IL23R: variants seen among roughly 807,000 people sequenced by gnomAD.
The protein encoded by IL23R is interleukin 23 receptor.
Under a neutral mutation model 56.9 loss-of-function variants are expected in IL23R, and 34 were observed. The ratio of observed to expected loss-of-function variants is 0.60; its 90% CI spans 0.45 to 0.80. IL23R has a LOEUF of 0.80. IL23R is among the 30% of genes least tolerant of loss of function. IL23R has a pLI of 0.00. For missense variants in IL23R, 635 were observed against 730.0 expected (o/e 0.87, Z 1.50); for synonymous variants, 230 against 249.2 (o/e 0.92, Z 0.73).
At chr1:67,158,864 A>G (rs916134243) in intron 1 of IL23R, among the ~76,000 whole-genome samples, 18 of 150,146 alleles carry the variant, frequency 1.2e-4, no homozygotes, top group Non-Finnish European at 2.1e-4. Context: ...TAGTGAGACT[A>G]TCACTATCAG....
chr1:67,158,820 A>T (rs972230759), intron 1 of IL23R, among the ~76,000 whole-genome samples: 4 of 151,732 alleles, frequency 2.6e-5, no homozygotes, highest in Admixed American at 2.6e-4. Context: ...TGATTGGATC[A>T]TGGGGGCAGA....
intron 3 of IL23R, among the ~76,000 whole-genome samples, chr1:67,179,869 G>A (rs4916902): frequency 6.6e-6 from 1 of 151,982 alleles, no homozygotes; most frequent in Admixed American, 6.6e-5. Context: ...CCTTCATTTC[G>A]TTATGTACCT....
intron 3 of IL23R, among the ~76,000 whole-genome samples, chr1:67,177,060 T>C (rs1488500269): frequency 6.6e-6 from 1 of 152,238 alleles, no homozygotes; most frequent in Non-Finnish European, 1.5e-5. Context: ...CTATTGTGAA[T>C]AGTGCCACAA....
At chr1:67,206,281 G>A (rs1049353963) in intron 5 of IL23R, among the ~76,000 whole-genome samples, 3 of 152,000 alleles carry the variant, frequency 2.0e-5, no homozygotes, top group Non-Finnish European at 2.9e-5. Flanking sequence ...CCCAAATGCT[G>A]GGAATACAGA....
At chr1:67,168,553 T>C (rs1004485086) in intron 2 of IL23R, among the ~76,000 whole-genome samples, 2 of 152,216 alleles carry the variant, frequency 1.3e-5, no homozygotes, top group East Asian at 3.9e-4. Flanking sequence ...TGATAGTTAC[T>C]TTGTGCCGGG....
intron 1 of IL23R, among the ~76,000 whole-genome samples, chr1:67,144,803 C>A (rs1444926425): frequency 6.6e-6 from 1 of 152,096 alleles, no homozygotes; most frequent in Non-Finnish European, 1.5e-5. Context: ...CATAATCTCA[C>A]CCATATCCAA....
At chr1:67,179,642 A>T (rs909981634) in intron 3 of IL23R, among the ~76,000 whole-genome samples, 1 of 151,676 alleles carries the variant, frequency 6.6e-6, no homozygotes, top group African/African-American at 2.4e-5. Context: ...GATCTTAGTT[A>T]TTTCTTGCCT....
At chr1:67,176,929 C>A (rs1216856679) in intron 3 of IL23R, among the ~76,000 whole-genome samples, 3 of 152,124 alleles carry the variant, frequency 2.0e-5, no homozygotes, top group African/African-American at 7.2e-5. Flanking sequence ...CATCCATGTC[C>A]CTACAAAGGA....
downstream of IL23R, among the ~76,000 whole-genome samples, chr1:67,264,434 G>A (rs1222572637): frequency 6.6e-6 from 1 of 152,066 alleles, no homozygotes; most frequent in African/African-American, 2.4e-5. Context: ...GTTTTAATGG[G>A]AAATATTACC....
chr1:67,241,511 G>T (rs553835627), intron 9 of IL23R, among the ~76,000 whole-genome samples: 1 of 152,046 alleles, frequency 6.6e-6, no homozygotes, highest in East Asian at 1.9e-4. Context: ...CCCCTTTTTG[G>T]TCAGGTTCTC....
At chr1:67,211,747 C>T (rs186504914) in intron 6 of IL23R, among the ~76,000 whole-genome samples, 9 of 152,238 alleles carry the variant, frequency 5.9e-5, no homozygotes, top group Admixed American at 1.3e-4. Flanking sequence ...AATAAGTTTT[C>T]AGAAGCCAAC....
At chr1:67,207,495 A>C (rs1649156056) in intron 6 of IL23R, 5 of 316,878 alleles carry the variant, frequency 1.6e-5, no homozygotes, top group Admixed American at 1.3e-4. Context: ...GTGTTGTGGG[A>C]GGGACCCAGG....
chr1:67,197,532 T>G (rs1261451774), intron 4 of IL23R, among the ~76,000 whole-genome samples: 4 of 152,180 alleles, frequency 2.6e-5, no homozygotes, highest in African/African-American at 4.8e-5. Context: ...TTATGTTGTG[T>G]TTTGGAGTCT....
At chr1:67,215,210 G>A in intron 6 of IL23R, among the ~76,000 whole-genome samples, 1 of 152,200 alleles carries the variant, frequency 6.6e-6, no homozygotes, top group East Asian at 1.9e-4. Flanking sequence ...TTTGTCTGCG[G>A]CTCGTCCTGC....
chr1:67,251,846 T>C (rs1346271083), intron 9 of IL23R, among the ~76,000 whole-genome samples: 1 of 152,194 alleles, frequency 6.6e-6, no homozygotes, highest in Admixed American at 6.5e-5. Context: ...CTAAAGTACT[T>C]AATTTTGAGC....
chr1:67,211,340 G>C (rs527980130), intron 6 of IL23R, among the ~76,000 whole-genome samples: 3 of 152,292 alleles, frequency 2.0e-5, no homozygotes, highest in African/African-American at 7.2e-5. Flanking sequence ...AGTTTCTTAG[G>C]CTGGGTGCAG....
chr1:67,151,509 C>G (rs539955740), intron 1 of IL23R, among the ~76,000 whole-genome samples: 7 of 152,300 alleles, frequency 4.6e-5, no homozygotes, highest in African/African-American at 1.7e-4. Flanking sequence ...GTGTTTTCAT[C>G]ATGAAGTCTT....
At chr1:67,175,620 A>G (rs564743667) in intron 3 of IL23R, among the ~76,000 whole-genome samples, 27 of 152,300 alleles carry the variant, frequency 1.8e-4, no homozygotes, top group African/African-American at 6.5e-4. Flanking sequence ...TTCGCTTAAT[A>G]TAATGTCTTC....
At chr1:67,171,487 G>A (rs1646943289) in intron 3 of IL23R, among the ~76,000 whole-genome samples, 1 of 152,136 alleles carries the variant, frequency 6.6e-6, no homozygotes, top group African/African-American at 2.4e-5. Context: ...GTTGGTTTTT[G>A]TAAGGTAGGA....
Sources: gnomAD v4.1 joint callset for allele counts (sites outside exome capture counted in the v4.1 genomes callset) on GRCh38, gnomAD v4.1.1 for gene constraint, MANE v1.5 for transcripts, NCBI Gene and HGNC (gene_info 2026-07-23, HGNC 2026-07-21) for gene names.